Variants in COMT observed in about 807,000 individuals in gnomAD.
The protein encoded by COMT is catechol-O-methyltransferase.
Under a neutral mutation model 18.9 loss-of-function variants are expected in COMT, and 13 were observed. That is an observed-to-expected ratio of 0.69 (90% confidence interval 0.45 to 1.09). The LOEUF is 1.09. COMT is among the 50% of genes least tolerant of loss of function. COMT has a pLI of 0.00. For synonymous variants in COMT, 150 were observed against 160.9 expected (o/e 0.93, Z 0.51); for missense variants, 329 against 361.8 (o/e 0.91, Z 0.73).
chr22:19,946,764 C>G (rs1423044196), intron 1 of COMT, among the ~76,000 whole-genome samples: 1 of 152,018 alleles, frequency 6.6e-6, no homozygotes, highest in East Asian at 1.9e-4. Flanking sequence ...ATGATGATTG[C>G]TGTTATATGA....
chr22:19,948,517 G>T (rs1941875861), intron 1 of COMT, among the ~76,000 whole-genome samples: 1 of 152,058 alleles, frequency 6.6e-6, no homozygotes, highest in South Asian at 2.1e-4. Flanking sequence ...AAAATTAGCT[G>T]GGCATGGTGG....
At chr22:19,948,365 A>G (rs576417980) in intron 1 of COMT, among the ~76,000 whole-genome samples, 5 of 152,284 alleles carry the variant, frequency 3.3e-5, no homozygotes, top group Middle Eastern at 6.8e-3. Flanking sequence ...GATCAAGACA[A>G]TGTCACAGGC....
At chr22:19,947,948 C>T (rs181946052) in intron 1 of COMT, among the ~76,000 whole-genome samples, 14 of 151,828 alleles carry the variant, frequency 9.2e-5, no homozygotes, top group South Asian at 8.3e-4. Flanking sequence ...TGGCCCTGTC[C>T]GGGCATAACA....
intron 1 of COMT, among the ~76,000 whole-genome samples, chr22:19,960,694 G>A (rs938284952): frequency 1.3e-5 from 2 of 152,266 alleles, no homozygotes; most frequent in Non-Finnish European, 2.9e-5. Context: ...CCTGCACCGG[G>A]TTCCATCACC....
intron 5 of COMT, among the ~76,000 whole-genome samples, chr22:19,966,597 C>A (rs768755678): frequency 1.3e-5 from 2 of 151,866 alleles, no homozygotes; most frequent in Non-Finnish European, 2.9e-5. Flanking sequence ...TGCACCACTA[C>A]ACCTGGCTAA....
intron 1 of COMT, among the ~76,000 whole-genome samples, chr22:19,944,503 C>G (rs1026409998): frequency 1.3e-5 from 2 of 151,860 alleles, no homozygotes; most frequent in Admixed American, 6.6e-5. Flanking sequence ...GCACTCCAGC[C>G]TGGGCAACAA....
intron 2 of COMT, chr22:19,962,155 A>C: frequency 6.2e-6 from 2 of 322,724 alleles, no homozygotes; most frequent in East Asian, 7.4e-5. Context: ...GGGCTTCCCT[A>C]CCCCTGGGTG....
At chr22:19,955,007 AT>A (rs1359531591) in intron 1 of COMT, among the ~76,000 whole-genome samples, 7 of 152,090 alleles carry the variant, frequency 4.6e-5, no homozygotes, top group Non-Finnish European at 5.9e-5. Context: ...ATTTGATGGC[AT>A]TTTTATTGTG....
intron 1 of COMT, among the ~76,000 whole-genome samples, chr22:19,949,291 CA>C (rs1301717355): frequency 6.6e-6 from 1 of 152,104 alleles, no homozygotes; most frequent in African/African-American, 2.4e-5. Context: ...CATGTACCAC[CA>C]TGCCAGGCTA....
In COMT at chr22:19,967,237, C is replaced by A. The variant is rs1236859889; in HGVS notation, c.616-1299C>A. ...GATGACCAGATTGGGCTCCTGAGTC[C>A]CCTGGCGCAACCCGAGAAGTCCAGG... On this transcript the variant is annotated intron_variant, in intron 5 of 5. Coordinates refer to ENST00000361682, the MANE Select transcript of COMT (RefSeq NM_000754.4). The A allele has an allele frequency of 6.1e-6, 8 of 1,301,802 alleles. No homozygotes were observed. In the East Asian group the frequency reaches 1.7e-4, roughly 27 times the overall value. 80.6% of individuals were successfully genotyped at this position (1,301,802 alleles called of 1,614,324 possible).
intron 1 of COMT, among the ~76,000 whole-genome samples, chr22:19,952,882 C>T (rs187145712): frequency 2.1e-5 from 3 of 144,172 alleles, no homozygotes; most frequent in East Asian, 2.1e-4. Context: ...ACCCAGGAGG[C>T]GGAGGTTGCA....
chr22:19,960,451 T>C (rs1942168575), intron 1 of COMT, among the ~76,000 whole-genome samples: 1 of 152,228 alleles, frequency 6.6e-6, no homozygotes, highest in Admixed American at 6.5e-5. Flanking sequence ...CTCTCCACCA[T>C]GGTTCCCCCT....
At chr22:19,960,967 G>T (rs1368548573) in intron 1 of COMT, among the ~76,000 whole-genome samples, 1 of 152,232 alleles carries the variant, frequency 6.6e-6, no homozygotes, top group Non-Finnish European at 1.5e-5. Flanking sequence ...CCAGGAGACT[G>T]CCCCTGGGGT....
At chr22:19,953,705 G>A (rs1011375187) in intron 1 of COMT, among the ~76,000 whole-genome samples, 2 of 152,128 alleles carry the variant, frequency 1.3e-5, no homozygotes, top group Non-Finnish European at 2.9e-5. Flanking sequence ...CACCCCACTA[G>A]GCATGTCCAG....
intron 1 of COMT, among the ~76,000 whole-genome samples, chr22:19,947,822 C>G (rs1486921760): frequency 4.6e-5 from 7 of 152,294 alleles, no homozygotes; most frequent in South Asian, 4.1e-4. Context: ...CTTTCCCGGT[C>G]TGCTAAGTAA....
chr22:19,941,935 G>A, intron 1 of COMT, 38 bp downstream of exon 1: 1 of 942,790 alleles, frequency 1.1e-6, no homozygotes, highest in African/African-American at 1.8e-5. Context: ...AATGCGGCCG[G>A]ATTCGGGGCG....
intron 5 of COMT, chr22:19,964,510 G>A (rs182726735): frequency 3.3e-5 from 25 of 756,176 alleles, no homozygotes; most frequent in Non-Finnish European, 4.4e-5. Flanking sequence ...GGGCCTGGCT[G>A]GGTGGCCTGT....
chr22:19,966,832 T>G, intron 5 of COMT: 2 of 628,838 alleles, frequency 3.2e-6, no homozygotes, highest in Non-Finnish European at 4.0e-6. Context: ...GCAACCTCTG[T>G]GAGGCTCCAA....
intron 1 of COMT, among the ~76,000 whole-genome samples, chr22:19,950,573 C>A (rs1446368236): frequency 6.6e-6 from 1 of 151,752 alleles, no homozygotes; most frequent in Admixed American, 6.6e-5. Context: ...TGAGGCACTG[C>A]GAGCCCCTGA....
Sources: allele counts gnomAD v4.1 joint callset (sites outside exome capture counted in the v4.1 genomes callset), GRCh38; gene constraint gnomAD v4.1.1; transcripts MANE v1.5; gene names NCBI Gene and HGNC (gene_info 2026-07-23, HGNC 2026-07-21).